The following SEPTIN9 variants were observed in gnomAD, a reference collection of about 807,000 sequenced individuals.
The protein encoded by SEPTIN9 is septin 9, also known as septin-9.
A neutral mutation model predicts 56.6 loss-of-function variants in SEPTIN9; 13 were observed. That is an observed-to-expected ratio of 0.23 (90% CI 0.15 to 0.37). SEPTIN9 has a LOEUF of 0.37. Ranked by LOEUF, SEPTIN9 falls within the 10% of genes least tolerant of loss-of-function variation. The pLI, the probability that SEPTIN9 is intolerant of heterozygous loss-of-function variation, is 1.00. For synonymous variants in SEPTIN9, 332 were observed against 334.1 expected (o/e 0.99, Z 0.07); for missense variants, 650 against 823.1 (o/e 0.79, Z 2.57).
At chr17:77,420,474 T>C (rs2036660068) in intron 3 of SEPTIN9, among the ~76,000 whole-genome samples, 1 of 152,206 alleles carries the variant, frequency 6.6e-6, no homozygotes, top group African/African-American at 2.4e-5. Flanking sequence ...CCACTTGTGC[T>C]TGCAAGCCTG....
rs1567986268 is a variant in SEPTIN9, at chr17:77,310,047, C to T, written c.76+2850C>T. Among the ~76,000 whole-genome samples, 2 of 151,906 alleles carry T rather than the reference C, an allele frequency of 1.3e-5. No homozygotes were observed. Among genetic ancestry groups the T allele is most frequent in the African/African-American group, 4.8e-5 (2 of 41,356 alleles). ...AGGCTGGAGTGCAGTGGCACCATCTCGGCTCACTGCAACCTCTGCCTCCTG... is the reference window on the plus strand; with the variant it reads ...AGGCTGGAGTGCAGTGGCACCATCTTGGCTCACTGCAACCTCTGCCTCCTG... On this transcript the variant is annotated intron_variant, in intron 2 of 11. Transcript: ENST00000427177. This position sits in a 1 kb window ranked among gnomAD's most constrained non-coding sequence, Gnocchi z 4.7.
intron 1 of SEPTIN9, among the ~76,000 whole-genome samples, chr17:77,287,201 T>C (rs1996631): frequency 0.82 from 124,416 of 152,248 alleles, 51,743 homozygotes; most frequent in Non-Finnish European, 0.89. Flanking sequence ...AGGGACTTGG[T>C]GGGCAGCCAT....
At chr17:77,349,207 C>T (rs1598230868) in intron 2 of SEPTIN9, among the ~76,000 whole-genome samples, 1 of 152,166 alleles carries the variant, frequency 6.6e-6, no homozygotes, top group Non-Finnish European at 1.5e-5. Flanking sequence ...ACCTTCTCCT[C>T]CCGGGCTCAA....
chr17:77,324,193 G>T (rs998291930), intron 2 of SEPTIN9, among the ~76,000 whole-genome samples: 2 of 152,100 alleles, frequency 1.3e-5, no homozygotes, highest in Non-Finnish European at 2.9e-5. Flanking sequence ...TCGGATTTAG[G>T]GCCCACTGGG....
At chr17:77,339,833 G>GT (rs1290997275) in intron 2 of SEPTIN9, among the ~76,000 whole-genome samples, 1 of 149,798 alleles carries the variant, frequency 6.7e-6, no homozygotes, top group African/African-American at 2.5e-5. Context: ...TTTTGTTGTT[G>GT]TTTTTTAATT....
intron 2 of SEPTIN9, among the ~76,000 whole-genome samples, chr17:77,312,910 A>G (rs2032558931): frequency 6.6e-6 from 1 of 152,218 alleles, no homozygotes; most frequent in Admixed American, 6.5e-5. Context: ...TCCACATTGC[A>G]AGCGTTCACT....
At position 77,402,911 on chromosome 17, in the gene SEPTIN9, C is replaced by T. The variant is rs1460354250; in HGVS notation, c.721+208C>T. ...CTGATGGGAACATGCCAAGATGCCCCAAGCGGGACTTGAATGAGAGTTTGG... is the reference window on the plus strand; with the variant it reads ...CTGATGGGAACATGCCAAGATGCCCTAAGCGGGACTTGAATGAGAGTTTGG... On this transcript the variant is annotated intron_variant, in intron 3 of 11. Coordinates refer to ENST00000427177, the MANE Select transcript of SEPTIN9 (RefSeq NM_001113491.2). This position sits in a 1 kb window ranked among gnomAD's most constrained non-coding sequence, Gnocchi z 6.6. 2.6e-5 allele frequency among the ~76,000 whole-genome samples: 4 copies of T among 152,184 alleles called. No homozygotes were observed. Among genetic ancestry groups the T allele is most frequent in the African/African-American group, 9.7e-5 (4 of 41,434 alleles).
At chr17:77,285,273 C>G (rs1183155099) in intron 1 of SEPTIN9, among the ~76,000 whole-genome samples, 1 of 152,120 alleles carries the variant, frequency 6.6e-6, no homozygotes, top group African/African-American at 2.4e-5. Flanking sequence ...TCCCAGGCTC[C>G]CCTGGAAACT....
chr17:77,304,805 A>G (rs2032195973), intron 1 of SEPTIN9, among the ~76,000 whole-genome samples: 2 of 152,130 alleles, frequency 1.3e-5, no homozygotes, highest in Non-Finnish European at 1.5e-5. Context: ...TGTGTGGAAC[A>G]GGGGATAGTG....
rs1181472894 is a variant in SEPTIN9 at position 77,487,353 on chromosome 17, A to AGG, written c.914-68_914-67dup. On this transcript the variant is annotated intron_variant, in intron 4 of 11. Coordinates refer to ENST00000427177, the MANE Select transcript of SEPTIN9 (RefSeq NM_001113491.2). This position sits in a 1 kb window ranked among gnomAD's most constrained non-coding sequence, Gnocchi z 4.3. ...CTGGAGAGCCTCGTGCCTGGGTGGG[A>AGG]GGGGCCCCATGTGCAGACCCTGCTG... 3 of 1,505,352 alleles carry AGG rather than the reference A, an allele frequency of 2.0e-6. No homozygotes were observed. The highest frequency in any genetic ancestry group is 2.7e-6 in the Non-Finnish European group (3 of 1,107,154). 93.2% of individuals were successfully genotyped at this position (1,505,352 alleles called of 1,614,324 possible).
intron 1 of SEPTIN9, chr17:77,288,303 A>G: frequency 1.3e-6 from 1 of 786,384 alleles, no homozygotes; most frequent in South Asian, 5.9e-5. Flanking sequence ...TGCTTTTCCC[A>G]GCGCTGCACC....
At chr17:77,332,280 A>T (rs1326865628) in intron 2 of SEPTIN9, among the ~76,000 whole-genome samples, 1 of 124,566 alleles carries the variant, frequency 8.0e-6, no homozygotes, top group African/African-American at 2.9e-5. Flanking sequence ...CTGTCTCAAA[A>T]ACAAAACAAA....
Position 77,499,739 on chromosome 17 carries a change from C to T in SEPTIN9, c.*1081C>T. On this transcript the variant is annotated 3_prime_UTR_variant, in exon 12 of 12. Coordinates refer to ENST00000427177, the MANE Select transcript of SEPTIN9 (RefSeq NM_001113491.2). ...TGTAGTTACATTAATGCCCAGCCAG[C>T]CACCCCTGCCACTCACCCTTCCTGG... 1.2e-5 allele frequency: 4 copies of T among 339,538 alleles called. No homozygotes were observed. Among genetic ancestry groups the T allele is most frequent in the South Asian group, 1.2e-4 (3 of 25,874 alleles). 21.0% of individuals were successfully genotyped at this position (339,538 alleles called of 1,614,324 possible).
At chr17:77,293,618 C>G (rs2031670444) in intron 1 of SEPTIN9, among the ~76,000 whole-genome samples, 1 of 152,158 alleles carries the variant, frequency 6.6e-6, no homozygotes, top group Non-Finnish European at 1.5e-5. Flanking sequence ...TGCAATGATT[C>G]ATTTAGAATG....
intron 2 of SEPTIN9, among the ~76,000 whole-genome samples, chr17:77,354,590 G>A (rs1316516171): frequency 1.3e-5 from 2 of 152,278 alleles, no homozygotes; most frequent in Admixed American, 6.5e-5. Flanking sequence ...CCTGCATGCG[G>A]CCGCTGCCGG....
chr17:77,464,126 T>C (rs1313369874), intron 3 of SEPTIN9, among the ~76,000 whole-genome samples: 3 of 152,158 alleles, frequency 2.0e-5, no homozygotes, highest in Non-Finnish European at 4.4e-5. Context: ...CAGGCTGGAG[T>C]GCAGTGGCAC....
intron 1 of SEPTIN9, among the ~76,000 whole-genome samples, chr17:77,302,736 C>T (rs1212887345): frequency 6.6e-6 from 1 of 152,032 alleles, no homozygotes; most frequent in Non-Finnish European, 1.5e-5. Context: ...GGTCAGTGTC[C>T]ACCCCTGCAA....
intron 2 of SEPTIN9, among the ~76,000 whole-genome samples, chr17:77,359,488 C>T (rs946161308): frequency 3.9e-5 from 6 of 152,196 alleles, no homozygotes; most frequent in Admixed American, 3.3e-4. Context: ...CTGGAACAGA[C>T]GTCACCAGTC....
intron 3 of SEPTIN9, among the ~76,000 whole-genome samples, chr17:77,424,672 C>G (rs1381264056): frequency 1.3e-5 from 2 of 152,234 alleles, no homozygotes; most frequent in Non-Finnish European, 2.9e-5. Flanking sequence ...TGCTGTTGAT[C>G]TTTCTGCCTC....
Sources: gnomAD v4.1 joint callset for allele counts (sites outside exome capture counted in the v4.1 genomes callset) on GRCh38, gnomAD v4.1.1 for gene constraint, Gnocchi (gnomAD v3.1) non-coding constraint, MANE v1.5 for transcripts, NCBI Gene and HGNC (gene_info 2026-07-23, HGNC 2026-07-21) for gene names.